The following PRSS12 variants were observed in gnomAD, a reference collection of about 807,000 sequenced individuals.
PRSS12 encodes neurotrypsin.
Under a neutral mutation model 104.4 loss-of-function variants are expected in PRSS12, and 85 were observed. The observed-to-expected ratio is 0.81, with a 90% CI of 0.68 to 0.98. The LOEUF (loss-of-function observed/expected upper bound fraction) is 0.98. PRSS12 is among the 50% of genes least tolerant of loss of function. PRSS12 has a pLI of 0.00. For synonymous variants in PRSS12, 454 were observed against 425.2 expected, an observed-to-expected ratio of 1.07 and a Z score of -0.83; for missense variants, 1,141 against 1,139.2, an observed-to-expected ratio of 1.00 and a Z score of -0.02.
chr4:118,346,146 T>G (rs1724347992), intron 1 of PRSS12, among the ~76,000 whole-genome samples: 1 of 152,112 alleles, frequency 6.6e-6, no homozygotes, highest in Non-Finnish European at 1.5e-5. Flanking sequence ...AGCCTAAGAA[T>G]AAAGGCCACG....
chr4:118,308,598 A>C, intron 7 of PRSS12, 21 bp from the exon 8 acceptor site: 1 of 1,611,376 alleles, frequency 6.2e-7, no homozygotes, highest in Non-Finnish European at 8.5e-7. Flanking sequence ...ATTCAAAAGT[A>C]TTAGAACAGC....
Position 118,352,520 on chromosome 4 carries a change from G to A in PRSS12, c.201C>T (p.Arg67=), listed in dbSNP as rs1307099168. ...GCTGGGCAGGGAGCGCCCGCGGGGG[G>A]CGCGGGAAGCGCGGGAGAGGCGGCG... ...RPPPPLPRFP[R]PPRALPAQRP... Residue 67 remains arginine (R), a synonymous_variant, in exon 1 of 13, where the codon CGC becomes CGT. Coordinates refer to ENST00000296498, the MANE Select transcript of PRSS12 (RefSeq NM_003619.4). The A allele has an allele frequency of 1.2e-5, 18 of 1,462,944 alleles. No individual in the cohort carries two copies. The highest frequency in any genetic ancestry group is 8.6e-5 in the East Asian group (3 of 34,702). The allele number at this position is 1,462,944 out of a possible 1,614,324, so 90.6% of individuals were successfully genotyped here.
chr4:118,318,620 T>G, intron 4 of PRSS12, 64 bp from the exon 5 acceptor site: 4 of 1,521,856 alleles, frequency 2.6e-6, no homozygotes, highest in Non-Finnish European at 1.8e-6. Flanking sequence ...TTTATTTTTT[T>G]TTTGTCCCTA....
At chr4:118,296,576 G>A (rs951468660) in intron 9 of PRSS12, among the ~76,000 whole-genome samples, 1 of 152,140 alleles carries the variant, frequency 6.6e-6, no homozygotes, top group Non-Finnish European at 1.5e-5. Context: ...GAGGTACTTT[G>A]TTTCTTTGGT....
At chr4:118,334,315 G>GA (rs899861593) in intron 3 of PRSS12, among the ~76,000 whole-genome samples, 2 of 151,560 alleles carry the variant, frequency 1.3e-5, no homozygotes, top group Admixed American at 6.6e-5. Context: ...TAGATATCCT[G>GA]AAAAAAAATT....
chr4:118,286,466 C>CTAAT (rs1179498124), intron 11 of PRSS12, among the ~76,000 whole-genome samples: 1 of 152,134 alleles, frequency 6.6e-6, no homozygotes, highest in East Asian at 1.9e-4. Context: ...GAGGCTCCTC[C>CTAAT]TAATCTTCTG....
At position 118,281,789 on chromosome 4, in the gene PRSS12, CAA is replaced by C. The variant is rs745927202; in HGVS notation, c.*145_*146del. 2.8e-5 allele frequency: 19 copies of C among 666,954 alleles called. No individual in the cohort carries two copies. Among genetic ancestry groups the C allele is most frequent in the Non-Finnish European group, 4.4e-5 (16 of 367,106 alleles). 41.3% of individuals were successfully genotyped at this position (666,954 alleles called of 1,614,324 possible). ...CCTCTGAAAATGTTCACAAATTTCT[CAA>C]AAGCAGCAGGGGGTACACAATTTTT... On this transcript the variant is annotated 3_prime_UTR_variant, in exon 13 of 13. Coordinates refer to ENST00000296498, the MANE Select transcript of PRSS12 (RefSeq NM_003619.4).
chr4:118,329,786 T>G (rs1723871297), intron 4 of PRSS12, among the ~76,000 whole-genome samples: 1 of 152,130 alleles, frequency 6.6e-6, no homozygotes, highest in South Asian at 2.1e-4. Context: ...ATGAGAAAAC[T>G]GCAACTAAGA....
At chr4:118,299,581 G>A (rs535321339) in intron 8 of PRSS12, among the ~76,000 whole-genome samples, 114 of 151,870 alleles carry the variant, frequency 7.5e-4, no homozygotes, top group Non-Finnish European at 1.5e-3. Context: ...TTGGGAGGCT[G>A]AGGCAGGAGA....
At chr4:118,313,514 G>T in intron 6 of PRSS12, 117 bp from the exon 7 acceptor site, 2 of 1,107,790 alleles carry the variant, frequency 1.8e-6, no homozygotes, top group African/African-American at 1.5e-5. Context: ...ATAAGTATCT[G>T]TTCTTTCTCC....
intron 5 of PRSS12, 135 bp from the exon 6 acceptor site, chr4:118,316,458 G>C (rs535680044): frequency 4.8e-5 from 51 of 1,069,150 alleles, no homozygotes; most frequent in Admixed American, 1.2e-4. Context: ...CATTACATCT[G>C]TGCTAAATGA....
At chr4:118,302,067 T>C (rs1304511535) in intron 8 of PRSS12, among the ~76,000 whole-genome samples, 1 of 152,216 alleles carries the variant, frequency 6.6e-6, no homozygotes, top group Non-Finnish European at 1.5e-5. Flanking sequence ...TAAGAAGGAA[T>C]GTTGATTTTA....
chr4:118,352,980 G>T lies in PRSS12; in HGVS notation c.-260C>A. 3 of 887,542 alleles carry T rather than the reference G, an allele frequency of 3.4e-6. No homozygotes were observed. Among genetic ancestry groups the T allele is most frequent in the East Asian group, 7.6e-5 (2 of 26,252 alleles). The allele number at this position is 887,542 out of a possible 1,614,324, so 55.0% of individuals were successfully genotyped here. On this transcript the variant is annotated 5_prime_UTR_variant, in exon 1 of 13. Coordinates refer to ENST00000296498, the MANE Select transcript of PRSS12 (RefSeq NM_003619.4). ...GAGCCCCGGCCGGCGGAGAGGACCG[G>T]AAAAGAGAAGGCGCGGACGCAGCGG...
chr4:118,282,308 G>A, intron 12 of PRSS12, 65 bp from the exon 13 acceptor site: 1 of 1,576,604 alleles, frequency 6.3e-7, no homozygotes, highest in Non-Finnish European at 8.7e-7. Flanking sequence ...AACAGTTACT[G>A]AGCATGTAAT....
chr4:118,294,958 C>A lies in PRSS12; in HGVS notation c.2020G>T (p.Ala674Ser), dbSNP rs376368168. Residue 674 changes from alanine (A) to serine (S), a missense_variant, in exon 11 of 13, where the codon GCA becomes TCA. Physicochemically the swap from Ala to Ser is moderately conservative, Grantham distance 99. Transcript: ENST00000296498. ...TLLSSCWVLT[A>S]AHCFKRYGNS... ...ACATACCTCTTGAAACAGTGTGCTG[C>A]TGTGAGGACCCAGCAGCTACTCAGG... 94 of 1,614,004 alleles carry A rather than the reference C, an allele frequency of 5.8e-5. No individual in the cohort carries two copies. The highest frequency in any genetic ancestry group is 3.3e-4 in the Middle Eastern group (2 of 6,082).
At chr4:118,342,286 T>C (rs1316149343) in intron 1 of PRSS12, among the ~76,000 whole-genome samples, 4 of 152,254 alleles carry the variant, frequency 2.6e-5, no homozygotes, top group Non-Finnish European at 5.9e-5. Flanking sequence ...GCATAAATTG[T>C]AGACGAAATT....
At chr4:118,318,150 G>C (rs939159068) in intron 5 of PRSS12, among the ~76,000 whole-genome samples, 1 of 152,154 alleles carries the variant, frequency 6.6e-6, no homozygotes, top group East Asian at 1.9e-4. Context: ...CCTATTTTCT[G>C]ATCTAGCTTT....
At chr4:118,290,219 C>T (rs1311875273) in intron 11 of PRSS12, among the ~76,000 whole-genome samples, 1 of 152,014 alleles carries the variant, frequency 6.6e-6, no homozygotes, top group African/African-American at 2.4e-5. Context: ...ACAAATAAAT[C>T]CAAAAATAAC....
intron 1 of PRSS12, among the ~76,000 whole-genome samples, chr4:118,343,027 G>A (rs2126044679): frequency 6.6e-6 from 1 of 152,208 alleles, no homozygotes; most frequent in South Asian, 2.1e-4. Context: ...GTCAATACAG[G>A]TAAACTAGAG....
Sources: gnomAD v4.1 joint callset for allele counts (sites outside exome capture counted in the v4.1 genomes callset) on GRCh38, gnomAD v4.1.1 for gene constraint, MANE v1.5 for transcripts, NCBI Gene and HGNC (gene_info 2026-07-23, HGNC 2026-07-21) for gene names.